Variants in KCNMB2 observed in about 807,000 individuals in gnomAD.
KCNMB2 encodes the protein calcium-activated potassium channel subunit beta-2.
KCNMB2 carries 9 observed loss-of-function variants against 24.5 expected under a neutral mutation model. The ratio of observed to expected loss-of-function variants is 0.37; its 90% CI spans 0.22 to 0.64. KCNMB2 has a LOEUF of 0.64. Among genes scored for constraint, KCNMB2 ranks in the 30% least tolerant of loss-of-function variants. The pLI is 0.63. For missense variants in KCNMB2, 226 were observed against 284.3 expected, an observed-to-expected ratio of 0.79 and a Z score of 1.47; for synonymous variants, 109 against 104.4, an observed-to-expected ratio of 1.04 and a Z score of -0.27.
chr3:178,786,016 G>C (rs1019340566), intron 1 of KCNMB2, among the ~76,000 whole-genome samples: 1 of 152,044 alleles, frequency 6.6e-6, no homozygotes, highest in African/African-American at 2.4e-5. Context: ...AACAGAAATG[G>C]AATTCAAACT....
chr3:178,628,190 TGTC>T (rs1719188799), intron 1 of KCNMB2, among the ~76,000 whole-genome samples: 1 of 152,186 alleles, frequency 6.6e-6, no homozygotes, highest in African/African-American at 2.4e-5. Flanking sequence ...TCTCCCTTCT[TGTC>T]AACATCCATC....
chr3:178,632,945 G>C (rs1321121746), intron 1 of KCNMB2, among the ~76,000 whole-genome samples: 1 of 152,158 alleles, frequency 6.6e-6, no homozygotes, highest in African/African-American at 2.4e-5. Context: ...TCAAAACAAA[G>C]GGGCTACAGG....
intron 1 of KCNMB2, among the ~76,000 whole-genome samples, chr3:178,806,005 G>A (rs561107354): frequency 8.5e-5 from 13 of 152,200 alleles, no homozygotes; most frequent in Middle Eastern, 3.4e-3. Context: ...GGCACGCACC[G>A]GTAGTCCCAA....
Position 178,758,027 on chromosome 3 carries a change from GATATATATATATATCTAGAT to G in KCNMB2, c.-67-49303_-67-49284del, listed in dbSNP as rs1560006420. ...GATATATATATATATATATCTAGAG[GATATATATATATATCTAGAT>G]ATATATATATATCTCCAAGAGGATA... On this transcript the variant is annotated intron_variant, in intron 1 of 4. Coordinates refer to ENST00000452583, the MANE Select transcript of KCNMB2 (RefSeq NM_181361.3). 1.0e-3 allele frequency among the ~76,000 whole-genome samples: 7 copies of G among 6,928 alleles called. 2 individuals carry two copies. The highest frequency in any genetic ancestry group is 5.4e-3 in the Admixed American group (2 of 370). 4.5% of individuals were successfully genotyped at this position (6,928 alleles called of 152,430 possible).
intron 1 of KCNMB2, among the ~76,000 whole-genome samples, chr3:178,616,556 C>T (rs969517290): frequency 6.6e-6 from 1 of 152,130 alleles, no homozygotes; most frequent in Non-Finnish European, 1.5e-5. Context: ...GGAGGGGCGA[C>T]ATCTACAATT....
chr3:178,684,618 G>A (rs1246459365), intron 1 of KCNMB2, among the ~76,000 whole-genome samples: 6 of 151,872 alleles, frequency 4.0e-5, no homozygotes, highest in African/African-American at 7.3e-5. Context: ...ACCTGAGGTC[G>A]GGAGTTCGTG....
chr3:178,571,918 T>C (rs1716817002), intron 1 of KCNMB2, among the ~76,000 whole-genome samples: 1 of 152,196 alleles, frequency 6.6e-6, no homozygotes, highest in South Asian at 2.1e-4. Flanking sequence ...AAATTTTCTT[T>C]ATCCAGCTTA....
At chr3:178,661,855 T>C (rs1247785941) in intron 1 of KCNMB2, among the ~76,000 whole-genome samples, 6 of 152,164 alleles carry the variant, frequency 3.9e-5, no homozygotes, top group South Asian at 4.1e-4. Flanking sequence ...ATGCCTCTTA[T>C]AGTCCAAGCA....
intron 1 of KCNMB2, among the ~76,000 whole-genome samples, chr3:178,784,079 T>C (rs1577185455): frequency 6.6e-6 from 1 of 152,188 alleles, no homozygotes; most frequent in African/African-American, 2.4e-5. Context: ...AAAACAACTG[T>C]CTCTATTGGC....
intron 1 of KCNMB2, among the ~76,000 whole-genome samples, chr3:178,657,314 C>G (rs186065868): frequency 6.6e-6 from 1 of 152,204 alleles, no homozygotes; most frequent in African/African-American, 2.4e-5. Flanking sequence ...GGTTCTCTTT[C>G]ATTGCTGATT....
At chr3:178,575,813 T>G (rs1560115549) in intron 1 of KCNMB2, among the ~76,000 whole-genome samples, 1 of 152,136 alleles carries the variant, frequency 6.6e-6, no homozygotes, top group Non-Finnish European at 1.5e-5. Context: ...GGGAAAAAAT[T>G]TTTATGTCCA....
intron 1 of KCNMB2, among the ~76,000 whole-genome samples, chr3:178,591,160 A>G (rs1295720242): frequency 6.6e-6 from 1 of 152,134 alleles, no homozygotes; most frequent in African/African-American, 2.4e-5. Flanking sequence ...ACCCTCTCAT[A>G]GTTAGTCCAT....
chr3:178,601,719 C>T (rs568769286), intron 1 of KCNMB2, among the ~76,000 whole-genome samples: 213 of 152,270 alleles, frequency 1.4e-3, no homozygotes, highest in African/African-American at 4.8e-3. Context: ...GTTACACCAC[C>T]GCCAATAAAT....
intron 1 of KCNMB2, among the ~76,000 whole-genome samples, chr3:178,723,953 C>A (rs1452067158): frequency 6.6e-6 from 1 of 152,056 alleles, no homozygotes; most frequent in Non-Finnish European, 1.5e-5. Context: ...CATACAAGTG[C>A]AGGTATCATT....
At chr3:178,761,760 A>T (rs1303712277) in intron 1 of KCNMB2, among the ~76,000 whole-genome samples, 2 of 152,216 alleles carry the variant, frequency 1.3e-5, no homozygotes, top group East Asian at 3.8e-4. Flanking sequence ...CTATAAAAAA[A>T]ATATAGACAA....
intron 1 of KCNMB2, among the ~76,000 whole-genome samples, chr3:178,539,475 T>A (rs1006551773): frequency 6.6e-6 from 1 of 152,144 alleles, no homozygotes; most frequent in Non-Finnish European, 1.5e-5. Context: ...AGACATATCA[T>A]AAAAGTTTAT....
At chr3:178,775,057 A>G (rs1712525497) in intron 1 of KCNMB2, among the ~76,000 whole-genome samples, 1 of 152,242 alleles carries the variant, frequency 6.6e-6, no homozygotes, top group Non-Finnish European at 1.5e-5. Flanking sequence ...ATGCCACATG[A>G]TATTAATATC....
At chr3:178,626,150 A>G (rs1455719972) in intron 1 of KCNMB2, among the ~76,000 whole-genome samples, 2 of 152,216 alleles carry the variant, frequency 1.3e-5, no homozygotes, top group Admixed American at 6.5e-5. Flanking sequence ...TATCGTTGGC[A>G]TTGCTCCCTT....
intron 1 of KCNMB2, among the ~76,000 whole-genome samples, chr3:178,630,266 C>T (rs1386807856): frequency 6.6e-6 from 1 of 152,210 alleles, no homozygotes; most frequent in Admixed American, 6.5e-5. Context: ...CAATTTCCAG[C>T]AATACTCTCC....
Sources: gnomAD v4.1 joint callset for allele counts (sites outside exome capture counted in the v4.1 genomes callset) on GRCh38, gnomAD v4.1.1 for gene constraint, MANE v1.5 for transcripts, NCBI Gene and HGNC (gene_info 2026-07-23, HGNC 2026-07-21) for gene names.